The following RYR2 variants were observed in gnomAD, a reference collection of about 807,000 sequenced individuals.
RYR2 encodes ryanodine receptor 2, also known as cardiac muscle ryanodine receptor-calcium release channel.
Under a neutral mutation model 601.1 loss-of-function variants are expected in RYR2, and 227 were observed. The observed-to-expected ratio is 0.38, with a 90% CI of 0.34 to 0.42. The LOEUF (loss-of-function observed/expected upper bound fraction) is 0.42, where lower values mean the gene tolerates loss of function less well. RYR2 is among the 10% of genes least tolerant of loss of function. The probability of loss-of-function intolerance (pLI) is 1.00; values close to 1 mark genes in which losing one functional copy is unlikely to be tolerated. For missense variants in RYR2, 4,646 were observed against 6,156.5 expected (o/e 0.75, Z 8.21); for synonymous variants, 2,223 against 2,175.1 (o/e 1.02, Z -0.61).
At chr1:237,184,741 A>G (rs1018734092) in intron 1 of RYR2, among the ~76,000 whole-genome samples, 1 of 152,106 alleles carries the variant, frequency 6.6e-6, no homozygotes, top group Non-Finnish European at 1.5e-5. Context: ...TAATGCTTAT[A>G]TTTTTCTAGC....
intron 25 of RYR2, among the ~76,000 whole-genome samples, chr1:237,535,634 A>T (rs1320486525): frequency 6.6e-6 from 1 of 152,110 alleles, no homozygotes; most frequent in Non-Finnish European, 1.5e-5. Context: ...CCAGATCAAG[A>T]CAGTATGGAA....
chr1:237,529,617 C>A (rs1040307450), intron 24 of RYR2, among the ~76,000 whole-genome samples: 4 of 152,020 alleles, frequency 2.6e-5, no homozygotes, highest in Admixed American at 2.6e-4. Context: ...CTTAGAAATT[C>A]TGTAATCCCA....
At chr1:237,368,177 C>T (rs114548054) in intron 5 of RYR2, among the ~76,000 whole-genome samples, 23 of 152,140 alleles carry the variant, frequency 1.5e-4, no homozygotes, top group African/African-American at 5.1e-4. Flanking sequence ...AAACCTGTGT[C>T]GTTAAAGAGT....
intron 24 of RYR2, among the ~76,000 whole-genome samples, chr1:237,512,643 C>G (rs1266582264): frequency 6.6e-6 from 1 of 152,174 alleles, no homozygotes; most frequent in Non-Finnish European, 1.5e-5. Context: ...AAGGCCAAGG[C>G]CAGTAGATGG....
intron 34 of RYR2, among the ~76,000 whole-genome samples, chr1:237,597,294 A>T (rs899574069): frequency 6.9e-6 from 1 of 144,666 alleles, no homozygotes; most frequent in African/African-American, 2.5e-5. Flanking sequence ...AGTCCAGAGT[A>T]TTTTTTTTTT....
intron 66 of RYR2, among the ~76,000 whole-genome samples, chr1:237,702,374 T>C (rs535021994): frequency 6.6e-6 from 1 of 152,262 alleles, no homozygotes; most frequent in African/African-American, 2.4e-5. Context: ...AAATTCAAAG[T>C]AAACATGAAT....
At chr1:237,338,374 C>G (rs1017317127) in intron 3 of RYR2, among the ~76,000 whole-genome samples, 1 of 151,968 alleles carries the variant, frequency 6.6e-6, no homozygotes, top group African/African-American at 2.4e-5. Context: ...TTCTGAGTTT[C>G]CAGTAGTTAA....
At chr1:237,314,956 A>G (rs899471230) in intron 2 of RYR2, among the ~76,000 whole-genome samples, 5 of 152,228 alleles carry the variant, frequency 3.3e-5, no homozygotes. Flanking sequence ...GGATTATACT[A>G]TTAATATTAA....
At chr1:237,439,524 G>T (rs980330191) in intron 12 of RYR2, among the ~76,000 whole-genome samples, 1 of 151,650 alleles carries the variant, frequency 6.6e-6, no homozygotes, top group Admixed American at 6.6e-5. Flanking sequence ...GGCGCCTGTC[G>T]TCCCAGCTAC....
Position 237,106,490 on chromosome 1 carries a change from A to G in RYR2, c.48+63921A>G, listed in dbSNP as rs1051622083. 6.6e-6 allele frequency among the ~76,000 whole-genome samples: 1 copy of G among 152,180 alleles called. No individual in the cohort carries two copies. Among genetic ancestry groups the G allele is most frequent in the Non-Finnish European group, 1.5e-5 (1 of 68,032 alleles). ...GACAGATGATGTTTCACCAGCTAAG[A>G]TGGAGCGGTCCTGGAAAGAGTGAAG... On this transcript the variant is annotated intron_variant, in intron 1 of 104. Coordinates refer to ENST00000366574, the MANE Select transcript of RYR2 (RefSeq NM_001035.3). This position sits in a 1 kb window ranked among gnomAD's most constrained non-coding sequence, Gnocchi z 4.4.
chr1:237,248,797 T>A (rs1445100620), intron 1 of RYR2, among the ~76,000 whole-genome samples: 2 of 150,728 alleles, frequency 1.3e-5, no homozygotes, highest in African/African-American at 4.9e-5. Flanking sequence ...GTTTTGCTCT[T>A]GTTTCCCAGG....
chr1:237,448,146 C>T (rs559392604), intron 14 of RYR2, among the ~76,000 whole-genome samples: 18 of 152,116 alleles, frequency 1.2e-4, no homozygotes, highest in African/African-American at 3.9e-4. Context: ...AGGCTGGTCT[C>T]GAACACCTGA....
intron 1 of RYR2, among the ~76,000 whole-genome samples, chr1:237,103,770 T>C (rs997356575): frequency 6.6e-6 from 1 of 152,184 alleles, no homozygotes; most frequent in African/African-American, 2.4e-5. Flanking sequence ...GGTTTTACCA[T>C]GTTGGCCAGG....
At chr1:237,124,735 A>G (rs577813328) in intron 1 of RYR2, among the ~76,000 whole-genome samples, 4 of 152,106 alleles carry the variant, frequency 2.6e-5, no homozygotes, top group Admixed American at 6.5e-5. Context: ...GGAAGGTAAC[A>G]TTCACAGGGT....
intron 48 of RYR2, 128 bp from the exon 49 acceptor site, chr1:237,648,316 G>A: frequency 1.2e-6 from 1 of 833,322 alleles, no homozygotes; most frequent in South Asian, 2.8e-5. Context: ...CTTGAGGGTA[G>A]TCGAAGAACA....
At chr1:237,627,483 C>A (rs1246329388) in intron 40 of RYR2, among the ~76,000 whole-genome samples, 10 of 152,058 alleles carry the variant, frequency 6.6e-5, no homozygotes, top group Non-Finnish European at 1.3e-4. Context: ...TAGTAGGACA[C>A]CTTATATTAA....
chr1:237,615,031 C>T (rs1199079435), intron 37 of RYR2, among the ~76,000 whole-genome samples, 188 bp downstream of exon 37: 1 of 152,100 alleles, frequency 6.6e-6, no homozygotes, highest in Non-Finnish European at 1.5e-5. Context: ...CTCTTGTTTC[C>T]CAGATGCTTT....
intron 54 of RYR2, among the ~76,000 whole-genome samples, chr1:237,658,378 C>T (rs1269426844): frequency 2.6e-5 from 4 of 151,890 alleles, no homozygotes; most frequent in African/African-American, 4.8e-5. Context: ...TTTAAGGAAA[C>T]TTTGGTTTTA....
At chr1:237,112,032 G>A (rs920499695) in intron 1 of RYR2, among the ~76,000 whole-genome samples, 1 of 152,168 alleles carries the variant, frequency 6.6e-6, no homozygotes. Flanking sequence ...GGTAGTTGGA[G>A]GATTAAATGA....
Sources: gnomAD v4.1 joint callset for allele counts (sites outside exome capture counted in the v4.1 genomes callset) on GRCh38, gnomAD v4.1.1 for gene constraint, Gnocchi (gnomAD v3.1) non-coding constraint, MANE v1.5 for transcripts, NCBI Gene and HGNC (gene_info 2026-07-23, HGNC 2026-07-21) for gene names.